MALL: variants seen among roughly 807,000 people sequenced by gnomAD.
The protein encoded by MALL is mal, T cell differentiation protein like, also known as MAL-like protein.
In MALL, 2 loss-of-function variants were observed where a neutral mutation model predicts 10.3. The ratio of observed to expected loss-of-function variants is 0.19; its 90% CI spans 0.08 to 0.61. MALL has a LOEUF of 0.61. Ranked by LOEUF, MALL falls within the 20% of genes least tolerant of loss-of-function variation. The pLI is 0.88. For synonymous variants in MALL, 27 were observed against 51.8 expected (o/e 0.52, Z 2.05); for missense variants, 39 against 115.2 (o/e 0.34, Z 3.03).
At chr2:110,113,394 C>T (rs576436596) in intron 1 of MALL, among the ~76,000 whole-genome samples, 2 of 142,874 alleles carry the variant, frequency 1.4e-5, no homozygotes, top group Admixed American at 7.1e-5. Flanking sequence ...GCCAAGATCG[C>T]GCCACTGCAC....
intron 1 of MALL, among the ~76,000 whole-genome samples, chr2:110,104,448 A>T (rs1352060036): frequency 3.3e-5 from 5 of 151,622 alleles, no homozygotes; most frequent in South Asian, 2.1e-4. Context: ...GGCAGGGGCC[A>T]TGTCTGTCTT....
At chr2:110,116,008 G>C (rs1678913177), upstream of MALL, 2 of 390,318 alleles carry the variant, frequency 5.1e-6, no homozygotes, top group East Asian at 3.6e-5. Flanking sequence ...GGGGGGCACA[G>C]CGCTGGTGCA....
chr2:110,109,294 G>A (rs1304407246), intron 1 of MALL, among the ~76,000 whole-genome samples: 9 of 152,064 alleles, frequency 5.9e-5, no homozygotes, highest in Admixed American at 5.9e-4. Context: ...ACCCTCTGCT[G>A]CCTTCAGGAG....
chr2:110,117,618 TGTGTGTGAGA>T (rs1304978132), upstream of MALL, among the ~76,000 whole-genome samples: 747 of 134,622 alleles, frequency 5.5e-3, 1 homozygote, highest in Admixed American at 0.017. Flanking sequence ...TGTGTGTGTG[TGTGTGTGAGA>T]GAGAGAGAGA....
chr2:110,116,171 A>T (rs1471766066), upstream of MALL: 2 of 192,728 alleles, frequency 1.0e-5, no homozygotes, highest in African/African-American at 4.6e-5. Flanking sequence ...CTGCGTACTG[A>T]GGACCAACAA....
intron 1 of MALL, among the ~76,000 whole-genome samples, chr2:110,110,193 C>A (rs1038741611): frequency 6.6e-6 from 1 of 151,668 alleles, no homozygotes; most frequent in Non-Finnish European, 1.5e-5. Flanking sequence ...AATCCTAACC[C>A]GCAGAAGAAA....
chr2:110,098,454 G>C (rs1427583576), intron 1 of MALL, among the ~76,000 whole-genome samples: 1 of 152,014 alleles, frequency 6.6e-6, no homozygotes, highest in Admixed American at 6.5e-5. Flanking sequence ...GATATGAATG[G>C]AATCATGCCG....
chr2:110,105,124 G>T (rs896010680), intron 1 of MALL, among the ~76,000 whole-genome samples: 2 of 152,190 alleles, frequency 1.3e-5, no homozygotes, highest in Non-Finnish European at 2.9e-5. Flanking sequence ...GCGGCTGAGA[G>T]TGATGAAGTA....
chr2:110,118,070 C>CTT (rs75059765), upstream of MALL, among the ~76,000 whole-genome samples: 7 of 145,214 alleles, frequency 4.8e-5, no homozygotes, highest in South Asian at 4.4e-4. Flanking sequence ...ATTCCTGCTC[C>CTT]TTTTTTTTTT....
rs953566419 is a variant in MALL at position 110,115,573 on chromosome 2, C to T, written c.105+115G>A. 7 of 458,948 alleles carry T rather than the reference C, an allele frequency of 1.5e-5. No homozygotes were observed. In the Admixed American group the frequency reaches 3.0e-4, roughly 20 times the overall value. The allele number at this position is 458,948 out of a possible 1,614,324, so 28.4% of individuals were successfully genotyped here. A position where few individuals can be genotyped will look rare whatever the true frequency, so the allele number is the denominator to read the frequency against. Reference sequence around the variant, plus strand: ...CTGCAGGTGGCCCCTGTGCTTGCTGCCCCTCTCTCTTCTCGGTCCGGTCTG... The same window carrying T: ...CTGCAGGTGGCCCCTGTGCTTGCTGTCCCTCTCTCTTCTCGGTCCGGTCTG... On this transcript the variant is annotated intron_variant, in intron 1 of 3. Transcript: ENST00000272462.
At chr2:110,104,058 C>T (rs1402572453) in intron 1 of MALL, among the ~76,000 whole-genome samples, 1 of 151,324 alleles carries the variant, frequency 6.6e-6, no homozygotes, top group Non-Finnish European at 1.5e-5. Flanking sequence ...GAATCAGCAG[C>T]AGCAGCTGGA....
chr2:110,104,534 G>C (rs1287163536), intron 1 of MALL, among the ~76,000 whole-genome samples: 1 of 152,134 alleles, frequency 6.6e-6, no homozygotes, highest in African/African-American at 2.4e-5. Context: ...AATTTAAGTG[G>C]GAGACTTAAG....
intron 1 of MALL, among the ~76,000 whole-genome samples, chr2:110,113,688 C>T (rs957530272): frequency 1.3e-5 from 2 of 152,020 alleles, no homozygotes; most frequent in South Asian, 2.1e-4. Flanking sequence ...GAAGGAGATA[C>T]GGCAACTAAG....
At chr2:110,102,171 C>T (rs527682983) in intron 1 of MALL, among the ~76,000 whole-genome samples, 2 of 152,296 alleles carry the variant, frequency 1.3e-5, no homozygotes, top group African/African-American at 4.8e-5. Flanking sequence ...TGACTAATAA[C>T]CTGCCCTTCA....
chr2:110,105,694 G>A (rs949012206), intron 1 of MALL, among the ~76,000 whole-genome samples: 22 of 152,194 alleles, frequency 1.4e-4, no homozygotes, highest in African/African-American at 5.3e-4. Flanking sequence ...CAAGGGAGAT[G>A]ATTTCTCCTC....
chr2:110,097,849 T>C (rs1343326111), intron 1 of MALL, among the ~76,000 whole-genome samples: 2 of 152,124 alleles, frequency 1.3e-5, no homozygotes, highest in East Asian at 3.9e-4. Flanking sequence ...TCTTAATTTT[T>C]ATGACAGCTT....
chr2:110,105,529 C>T (rs1389502033), intron 1 of MALL, among the ~76,000 whole-genome samples: 1 of 152,182 alleles, frequency 6.6e-6, no homozygotes, highest in East Asian at 1.9e-4. Context: ...AGACCAAGGA[C>T]AGGAAGACGC....
At chr2:110,115,363 C>T (rs1358820411) in intron 1 of MALL, among the ~76,000 whole-genome samples, 1 of 152,144 alleles carries the variant, frequency 6.6e-6, no homozygotes, top group African/African-American at 2.4e-5. Flanking sequence ...GGAGGAACCC[C>T]CTTGGCGGCA....
At chr2:110,090,200 T>A (rs1480789878) in intron 2 of MALL, among the ~76,000 whole-genome samples, 1 of 141,406 alleles carries the variant, frequency 7.1e-6, no homozygotes, top group Non-Finnish European at 1.5e-5. Context: ...GGCAGACTAA[T>A]AAAGATCAGT....
Sources: gnomAD v4.1 joint callset for allele counts (sites outside exome capture counted in the v4.1 genomes callset) on GRCh38, gnomAD v4.1.1 for gene constraint, MANE v1.5 for transcripts, NCBI Gene and HGNC (gene_info 2026-07-23, HGNC 2026-07-21) for gene names.